RARB: variants seen among roughly 807,000 people sequenced by gnomAD.
The protein encoded by RARB is retinoic acid receptor beta, also known as HBV-activated protein.
RARB carries 17 observed loss-of-function variants against 51.9 expected under a neutral mutation model. The ratio of observed to expected loss-of-function variants is 0.33; its 90% CI spans 0.22 to 0.49. The LOEUF (loss-of-function observed/expected upper bound fraction) is 0.49, where lower values mean the gene tolerates loss of function less well. Ranked by LOEUF, RARB falls within the 20% of genes least tolerant of loss-of-function variation. The pLI is 0.99. For synonymous variants in RARB, 215 were observed against 195.4 expected, an observed-to-expected ratio of 1.10 and a Z score of -0.84; for missense variants, 369 against 550.8, an observed-to-expected ratio of 0.67 and a Z score of 3.30.
At chr3:24,852,301 A>G (rs1702570624) in intron 1 of RARB, among the ~76,000 whole-genome samples, 1 of 152,230 alleles carries the variant, frequency 6.6e-6, no homozygotes, top group Non-Finnish European at 1.5e-5. Flanking sequence ...AAAGATAGAC[A>G]ATAACAAATA....
chr3:25,422,374 A>G (rs1045561657), intron 5 of RARB, among the ~76,000 whole-genome samples: 4 of 152,212 alleles, frequency 2.6e-5, no homozygotes, highest in Admixed American at 2.0e-4. Context: ...AGATGAGACA[A>G]AATTCACGTG....
chr3:25,116,364 A>C (rs1299849048), intron 3 of RARB, among the ~76,000 whole-genome samples: 1 of 151,100 alleles, frequency 6.6e-6, no homozygotes, highest in Non-Finnish European at 1.5e-5. Context: ...TTTTTTTCCC[A>C]CTTTATGCAA....
chr3:25,389,320 T>A (rs1575364215), intron 5 of RARB, among the ~76,000 whole-genome samples: 1 of 152,186 alleles, frequency 6.6e-6, no homozygotes, highest in Non-Finnish European at 1.5e-5. Flanking sequence ...CTGTGGGTAT[T>A]GTGGCTTTTA....
intron 5 of RARB, among the ~76,000 whole-genome samples, chr3:25,383,823 G>A (rs1370531274): frequency 2.6e-5 from 4 of 151,880 alleles, no homozygotes; most frequent in East Asian, 3.9e-4. Context: ...CCAGCTACTC[G>A]GGAGGCTGAG....
intron 2 of RARB, among the ~76,000 whole-genome samples, chr3:25,471,277 A>T (rs871963): frequency 0.44 from 67,544 of 151,930 alleles, 18,733 homozygotes; most frequent in Non-Finnish European, 0.62. Context: ...CTTTAGGCAA[A>T]CTCTTAAGAA....
intron 2 of RARB, among the ~76,000 whole-genome samples, chr3:25,013,893 G>C (rs901989009): frequency 6.6e-6 from 1 of 152,068 alleles, no homozygotes; most frequent in East Asian, 1.9e-4. Context: ...AAACATAAAA[G>C]GGAATGTTTT....
intron 2 of RARB, among the ~76,000 whole-genome samples, chr3:24,967,088 T>G (rs988087487): frequency 5.3e-5 from 8 of 152,170 alleles, no homozygotes; most frequent in Non-Finnish European, 8.8e-5. Flanking sequence ...AAGTCAACAA[T>G]TTCACAGAGA....
chr3:25,205,651 C>G (rs957854540), intron 5 of RARB, among the ~76,000 whole-genome samples: 24 of 151,982 alleles, frequency 1.6e-4, no homozygotes, highest in African/African-American at 5.8e-4. Context: ...TTATTATGCA[C>G]TGTATGCCCA....
At chr3:25,408,273 A>C (rs1707467814) in intron 5 of RARB, among the ~76,000 whole-genome samples, 1 of 152,160 alleles carries the variant, frequency 6.6e-6, no homozygotes, top group African/African-American at 2.4e-5. Flanking sequence ...TAATTTATAC[A>C]GAAAAGAGGT....
At chr3:25,047,494 A>G (rs1387355454) in intron 2 of RARB, among the ~76,000 whole-genome samples, 1 of 152,220 alleles carries the variant, frequency 6.6e-6, no homozygotes, top group Non-Finnish European at 1.5e-5. Context: ...CTCAGACTCT[A>G]CATCTACTAT....
At chr3:25,278,332 A>G (rs1703441575) in intron 5 of RARB, among the ~76,000 whole-genome samples, 1 of 152,232 alleles carries the variant, frequency 6.6e-6, no homozygotes, top group African/African-American at 2.4e-5. Flanking sequence ...TGATGCAAAT[A>G]TGAGAGTTGC....
chr3:25,065,081 T>C (rs115722083), intron 3 of RARB, among the ~76,000 whole-genome samples: 436 of 152,100 alleles, frequency 2.9e-3, no homozygotes, highest in African/African-American at 0.01. Flanking sequence ...ATTTTTAGAT[T>C]GGTTAAGTAT....
rs541787318 is a variant in RARB, at chr3:25,227,271, TAATAA to T, written c.178+52703_178+52707del. Among the ~76,000 whole-genome samples the T allele has an allele frequency of 3.3e-3, 502 of 152,298 alleles. 3 individuals are homozygous for T. The highest frequency in any genetic ancestry group is 0.011 in the African/African-American group (471 of 41,570). On this transcript the variant is annotated intron_variant, in intron 5 of 11. Transcript: ENST00000383772. ...AATGTTTTCAAAAGAATATGTTATA[TAATAA>T]AATAAATCAGTTTGACATATTAACT...
intron 3 of RARB, among the ~76,000 whole-genome samples, chr3:25,102,082 T>A (rs1232390955): frequency 2.0e-5 from 3 of 152,178 alleles, no homozygotes; most frequent in Non-Finnish European, 4.4e-5. Context: ...TTGAAAGATA[T>A]GTACAGGTGC....
chr3:24,839,817 C>T (rs1702396732), intron 1 of RARB, among the ~76,000 whole-genome samples: 1 of 151,602 alleles, frequency 6.6e-6, no homozygotes. Context: ...GAGAGAATAT[C>T]CTTTTAAAAT....
intron 5 of RARB, among the ~76,000 whole-genome samples, chr3:25,370,530 C>T (rs556932502): frequency 1.2e-4 from 18 of 152,248 alleles, no homozygotes; most frequent in Non-Finnish European, 2.2e-4. Context: ...AAAATACCCG[C>T]TTAAATATGA....
At chr3:25,048,161 A>G (rs1698254808) in intron 2 of RARB, among the ~76,000 whole-genome samples, 1 of 152,172 alleles carries the variant, frequency 6.6e-6, no homozygotes, top group Admixed American at 6.5e-5. Flanking sequence ...GTATGTCTTT[A>G]TTGGCAGTTT....
At chr3:24,847,668 G>A (rs575153918) in intron 1 of RARB, among the ~76,000 whole-genome samples, 1 of 152,350 alleles carries the variant, frequency 6.6e-6, no homozygotes, top group African/African-American at 2.4e-5. Context: ...GGGACTTGTG[G>A]TGCTCACACC....
Position 25,446,802 on chromosome 3 carries a change from CAAAAAAAA to C in RARB, c.158-14369_158-14362del, listed in dbSNP as rs5847356. On this transcript the variant is annotated intron_variant, in intron 1 of 7. Transcript: ENST00000330688. ...TGGGTGACAGAGCCAGACTCCGTCT[CAAAAAAAA>C]AAAAAAAAAAAAAAAAAAAAATTAA... Among the ~76,000 whole-genome samples, 129 of 69,104 alleles carry C rather than the reference CAAAAAAAA, an allele frequency of 1.9e-3. 1 individual carries two copies. The highest frequency in any genetic ancestry group is 7.1e-3 in the African/African-American group (110 of 15,496). The allele number at this position is 69,104 out of a possible 152,430, so 45.3% of individuals were successfully genotyped here.
Sources: gnomAD v4.1 joint callset for allele counts (sites outside exome capture counted in the v4.1 genomes callset) on GRCh38, gnomAD v4.1.1 for gene constraint, MANE v1.5 for transcripts, NCBI Gene and HGNC (gene_info 2026-07-23, HGNC 2026-07-21) for gene names.